Variants in SLC24A4 observed in about 807,000 individuals in gnomAD.
The protein encoded by SLC24A4 is solute carrier family 24 member 4, also known as sodium/potassium/calcium exchanger 4.
In SLC24A4, 53 loss-of-function variants were observed where a neutral mutation model predicts 79.0. The observed-to-expected ratio is 0.67, with a 90% confidence interval of 0.54 to 0.84. SLC24A4 has a LOEUF of 0.84. Among genes scored for constraint, SLC24A4 ranks in the 40% least tolerant of loss-of-function variants. The pLI, the probability that SLC24A4 is intolerant of heterozygous loss-of-function variation, is 0.00. For synonymous variants in SLC24A4, 323 were observed against 323.8 expected, an observed-to-expected ratio of 1.00 and a Z score of 0.03; for missense variants, 731 against 822.0, an observed-to-expected ratio of 0.89 and a Z score of 1.35.
intron 2 of SLC24A4, 30 bp downstream of exon 2, chr14:92,326,008 T>C: frequency 6.7e-7 from 1 of 1,500,180 alleles, no homozygotes; most frequent in East Asian, 2.3e-5. Flanking sequence ...CCACTCAGTC[T>C]ACTAAGATGT....
At chr14:92,454,189 C>A (rs1893325136) in intron 11 of SLC24A4, 120 bp downstream of exon 11, 1 of 1,007,170 alleles carries the variant, frequency 9.9e-7, no homozygotes, top group Non-Finnish European at 1.4e-6. Context: ...TGCCCTGGGG[C>A]CTCCAGAAGC....
chr14:92,452,449 A>G (rs7143416), intron 10 of SLC24A4: 74,514 of 151,944 alleles, frequency 0.49, 19,087 homozygotes, highest in African/African-American at 0.64. Flanking sequence ...GACAGGAGTC[A>G]TCCCAAAGGC....
intron 2 of SLC24A4, among the ~76,000 whole-genome samples, chr14:92,412,846 A>T (rs748796987): frequency 3.9e-5 from 6 of 151,978 alleles, no homozygotes; most frequent in Non-Finnish European, 7.4e-5. Flanking sequence ...TCAGCTCTCC[A>T]CCTGTTTGGA....
chr14:92,439,301 C>T lies in SLC24A4; in HGVS notation c.319-34C>T, dbSNP rs571553754. 1.6e-5 allele frequency: 26 copies of T among 1,590,688 alleles called. No individual in the cohort carries two copies. In the Admixed American group the frequency reaches 1.7e-4, roughly 10 times the overall value. On this transcript the variant is annotated intron_variant, in intron 3 of 16. Coordinates refer to ENST00000532405, the MANE Select transcript of SLC24A4 (RefSeq NM_153646.4). The stretch of plus-strand genomic sequence containing the variant: ...CCTTTGCAGCTGCAGCAGGGACCCT[C>T]ACCGACCCTGCCTGTCTCCTCTCTC...
At chr14:92,367,115 T>C (rs921528484) in intron 2 of SLC24A4, among the ~76,000 whole-genome samples, 5 of 152,206 alleles carry the variant, frequency 3.3e-5, no homozygotes, top group Non-Finnish European at 7.3e-5. Flanking sequence ...TACCACCTTC[T>C]GGTGCAGCAG....
At chr14:92,458,273 A>G (rs1893596788) in intron 12 of SLC24A4, among the ~76,000 whole-genome samples, 1 of 152,118 alleles carries the variant, frequency 6.6e-6, no homozygotes. Flanking sequence ...AGAAAATGAA[A>G]TGTGTTCCCT....
intron 2 of SLC24A4, among the ~76,000 whole-genome samples, chr14:92,356,939 G>A (rs117630049): frequency 0.018 from 2,777 of 152,358 alleles, 84 homozygotes; most frequent in Admixed American, 0.082. Flanking sequence ...TTATGCAAAT[G>A]ATCTCAGTAT....
chr14:92,407,265 T>G (rs188316971), intron 2 of SLC24A4, among the ~76,000 whole-genome samples: 143 of 152,362 alleles, frequency 9.4e-4, no homozygotes, highest in African/African-American at 3.3e-3. Context: ...ATTGTGCATG[T>G]CACTGTCAGC....
intron 3 of SLC24A4, among the ~76,000 whole-genome samples, chr14:92,438,123 CCA>C (rs1031524050): frequency 6.6e-6 from 1 of 151,758 alleles, no homozygotes; most frequent in African/African-American, 2.4e-5. Flanking sequence ...GGGCTCAGTC[CCA>C]CAAGACTGCT....
intron 12 of SLC24A4, among the ~76,000 whole-genome samples, chr14:92,474,489 T>C (rs932243969): frequency 4.6e-5 from 7 of 151,984 alleles, no homozygotes; most frequent in Non-Finnish European, 7.4e-5. Context: ...TTGTTGTTGT[T>C]GTTGTTTTCT....
At chr14:92,431,004 T>G (rs59060661) in intron 2 of SLC24A4, among the ~76,000 whole-genome samples, 8,979 of 152,194 alleles carry the variant, frequency 0.059, 390 homozygotes, top group East Asian at 0.11. Flanking sequence ...AGGAAGCCCA[T>G]GGGAGGAGAA....
chr14:92,365,474 G>A (rs1258634626), intron 2 of SLC24A4, among the ~76,000 whole-genome samples: 2 of 152,208 alleles, frequency 1.3e-5, no homozygotes, highest in Non-Finnish European at 2.9e-5. Flanking sequence ...CCCGGGGACC[G>A]ACCTCAAGGT....
intron 2 of SLC24A4, among the ~76,000 whole-genome samples, chr14:92,373,514 G>C (rs1372090648): frequency 2.0e-5 from 3 of 152,180 alleles, no homozygotes; most frequent in African/African-American, 7.2e-5. Context: ...CATTCACCCA[G>C]AAGAATTTTA....
chr14:92,454,906 C>T (rs560422088), intron 11 of SLC24A4, among the ~76,000 whole-genome samples: 2 of 152,046 alleles, frequency 1.3e-5, no homozygotes, highest in African/African-American at 2.4e-5. Flanking sequence ...GAATCCAGGC[C>T]GTCTTTCATG....
At chr14:92,480,951 C>A (rs563151492) in intron 12 of SLC24A4, among the ~76,000 whole-genome samples, 2 of 152,298 alleles carry the variant, frequency 1.3e-5, no homozygotes, top group South Asian at 4.1e-4. Flanking sequence ...TGTGTGGCCA[C>A]TGAAGTCTCT....
At chr14:92,479,243 A>G (rs2139914565) in intron 12 of SLC24A4, among the ~76,000 whole-genome samples, 1 of 152,330 alleles carries the variant, frequency 6.6e-6, no homozygotes, top group South Asian at 2.1e-4. Context: ...GAGTAAGAGC[A>G]GACATCTTCA....
Position 92,402,186 on chromosome 14 carries a change from A to G in SLC24A4, c.242-31726A>G, listed in dbSNP as rs966733361. Among the ~76,000 whole-genome samples the G allele has an allele frequency of 2.6e-5, 4 of 152,176 alleles. No homozygotes were observed. In the South Asian group the frequency reaches 8.3e-4, roughly 32 times the overall value. The stretch of plus-strand genomic sequence containing the variant: ...AAGTAAGCCTCATGTCAAAAGCAAG[A>G]CATAAACTTGGTTCCCGTGGCTTCT... On this transcript the variant is annotated intron_variant, in intron 2 of 16. Transcript: ENST00000532405.
intron 2 of SLC24A4, among the ~76,000 whole-genome samples, chr14:92,366,427 G>A (rs72693200): frequency 0.069 from 10,531 of 152,258 alleles, 464 homozygotes; most frequent in Admixed American, 0.093. Context: ...CGGTAGCCTC[G>A]TTCAGCCAGG....
chr14:92,393,439 C>T (rs928595806), intron 2 of SLC24A4, among the ~76,000 whole-genome samples: 1 of 151,910 alleles, frequency 6.6e-6, no homozygotes, highest in Non-Finnish European at 1.5e-5. Flanking sequence ...GCAGCATGAA[C>T]GGTGCAGGGG....
Sources: gnomAD v4.1 joint callset for allele counts (sites outside exome capture counted in the v4.1 genomes callset) on GRCh38, gnomAD v4.1.1 for gene constraint, MANE v1.5 for transcripts, NCBI Gene and HGNC (gene_info 2026-07-23, HGNC 2026-07-21) for gene names.